RSU1: variants seen among roughly 807,000 people sequenced by gnomAD.
The protein encoded by RSU1 is rsu-1.
In RSU1, 26 loss-of-function variants were observed where a neutral mutation model predicts 31.1. The observed-to-expected ratio is 0.84, with a 90% CI of 0.61 to 1.16. The LOEUF (loss-of-function observed/expected upper bound fraction) is 1.16. Among genes scored for constraint, RSU1 ranks in the 50% most tolerant of loss-of-function variants. The pLI, the probability that RSU1 is intolerant of heterozygous loss-of-function variation, is 0.00. For missense variants in RSU1, 320 were observed against 339.1 expected, an observed-to-expected ratio of 0.94 and a Z score of 0.44; for synonymous variants, 164 against 136.3, an observed-to-expected ratio of 1.20 and a Z score of -1.41.
intron 7 of RSU1, among the ~76,000 whole-genome samples, chr10:16,751,835 A>T (rs1025849375): frequency 6.6e-6 from 1 of 152,218 alleles, no homozygotes; most frequent in Non-Finnish European, 1.5e-5. Context: ...CTGCACAAGA[A>T]AAGATAAGGG....
chr10:16,756,376 G>A (rs1359249988), intron 4 of RSU1, among the ~76,000 whole-genome samples: 1 of 152,074 alleles, frequency 6.6e-6, no homozygotes, highest in East Asian at 1.9e-4. Context: ...TGACCCTTGA[G>A]CAACATGGGT....
At chr10:16,751,853 G>A (rs1251687490) in intron 7 of RSU1, among the ~76,000 whole-genome samples, 2 of 152,180 alleles carry the variant, frequency 1.3e-5, no homozygotes, top group Non-Finnish European at 1.5e-5. Context: ...GGGAACTCGT[G>A]AACCTTTTGC....
At chr10:16,648,291 G>A (rs980521738) in intron 8 of RSU1, among the ~76,000 whole-genome samples, 45 of 152,238 alleles carry the variant, frequency 3.0e-4, no homozygotes, top group African/African-American at 1.0e-3. Context: ...TGAATGAAGT[G>A]TCTTTGAATC....
intron 8 of RSU1, among the ~76,000 whole-genome samples, chr10:16,661,287 C>CGCGTGTGTGT (rs1554764458): frequency 7.5e-6 from 1 of 132,830 alleles, no homozygotes. Context: ...GTAGAGAGTG[C>CGCGTGTGTGT]GTGTGTGTGT....
intron 8 of RSU1, among the ~76,000 whole-genome samples, chr10:16,689,589 T>C (rs1410836100): frequency 6.6e-6 from 1 of 152,220 alleles, no homozygotes; most frequent in Non-Finnish European, 1.5e-5. Flanking sequence ...GCCAAAAGAA[T>C]GTTTCCTTAT....
rs200420685 is a variant in RSU1, at chr10:16,655,080, G to A, written c.731+39943C>T. 1.5e-3 allele frequency among the ~76,000 whole-genome samples: 132 copies of A among 91,032 alleles called. 4 individuals are homozygous for A. The South Asian group carries it at 0.036, about 25-fold the overall frequency. 59.7% of individuals were successfully genotyped at this position (91,032 alleles called of 152,430 possible). A position where few individuals can be genotyped will look rare whatever the true frequency, so the allele number is the denominator to read the frequency against. On this transcript the variant is annotated intron_variant, in intron 8 of 8. Coordinates refer to ENST00000345264, the MANE Select transcript of RSU1 (RefSeq NM_012425.4). ...TAAAAAAAAAAAAAAAAAAAAGAGAGAGAGAGAGAGAGAAATGCATTCTGT... is the reference window on the plus strand; with the variant it reads ...TAAAAAAAAAAAAAAAAAAAAGAGAAAGAGAGAGAGAGAAATGCATTCTGT...
At chr10:16,770,547 T>C (rs924609235) in intron 3 of RSU1, among the ~76,000 whole-genome samples, 1 of 152,190 alleles carries the variant, frequency 6.6e-6, no homozygotes, top group African/African-American at 2.4e-5. Context: ...CCCAACTGTT[T>C]TTGCAGAAGC....
At chr10:16,644,936 G>T in intron 8 of RSU1, among the ~76,000 whole-genome samples, 1 of 152,000 alleles carries the variant, frequency 6.6e-6, no homozygotes, top group East Asian at 1.9e-4. Context: ...TATATTCCTG[G>T]TCTAATTTTA....
At chr10:16,695,798 A>G (rs1488354589) in intron 7 of RSU1, among the ~76,000 whole-genome samples, 1 of 152,250 alleles carries the variant, frequency 6.6e-6, no homozygotes, top group African/African-American at 2.4e-5. Flanking sequence ...ACTTAAGGAA[A>G]TTAACTAATA....
At chr10:16,661,580 T>C (rs1230130384) in intron 8 of RSU1, among the ~76,000 whole-genome samples, 1 of 152,214 alleles carries the variant, frequency 6.6e-6, no homozygotes, top group Non-Finnish European at 1.5e-5. Context: ...AAGATGACTA[T>C]GATGACTACT....
At chr10:16,785,417 T>C (rs866059730) in intron 2 of RSU1, among the ~76,000 whole-genome samples, 20 of 91,124 alleles carry the variant, frequency 2.2e-4, no homozygotes, top group African/African-American at 6.7e-4. Context: ...TATATATATA[T>C]ACATATATAC....
chr10:16,776,919 T>A (rs1001227472), intron 3 of RSU1, among the ~76,000 whole-genome samples: 8 of 152,054 alleles, frequency 5.3e-5, no homozygotes, highest in African/African-American at 1.7e-4. Context: ...ATTTTTATTT[T>A]TTTTTAATTT....
chr10:16,646,452 C>G (rs1834572284), intron 8 of RSU1, among the ~76,000 whole-genome samples: 1 of 152,302 alleles, frequency 6.6e-6, no homozygotes, highest in South Asian at 2.1e-4. Context: ...ACCATCACCT[C>G]CTCTCTGACT....
chr10:16,807,063 C>T (rs1838287493), intron 2 of RSU1, among the ~76,000 whole-genome samples: 1 of 152,196 alleles, frequency 6.6e-6, no homozygotes, highest in South Asian at 2.1e-4. Flanking sequence ...GGGATTACAG[C>T]AGGCATGAGC....
At chr10:16,763,473 C>G (rs1410495224) in intron 4 of RSU1, among the ~76,000 whole-genome samples, 2 of 152,170 alleles carry the variant, frequency 1.3e-5, no homozygotes, top group African/African-American at 4.8e-5. Context: ...GTAACTCACT[C>G]ACTATCACAA....
intron 8 of RSU1, among the ~76,000 whole-genome samples, chr10:16,676,793 T>C (rs1419101797): frequency 6.6e-6 from 1 of 152,176 alleles, no homozygotes; most frequent in Admixed American, 6.5e-5. Context: ...ATATCCACTG[T>C]GGGCTGCAGT....
intron 8 of RSU1, among the ~76,000 whole-genome samples, chr10:16,688,834 C>G (rs771361827): frequency 6.8e-6 from 1 of 148,000 alleles, no homozygotes; most frequent in African/African-American, 2.7e-5. Flanking sequence ...GACCCCCAGT[C>G]TCCACAAAAA....
intron 8 of RSU1, among the ~76,000 whole-genome samples, chr10:16,626,173 T>C (rs1055304776): frequency 6.6e-6 from 1 of 151,984 alleles, no homozygotes; most frequent in African/African-American, 2.4e-5. Context: ...GCCTCCTGAA[T>C]AGCTGGGACT....
At chr10:16,809,017 G>T (rs954765962) in intron 2 of RSU1, among the ~76,000 whole-genome samples, 1 of 152,164 alleles carries the variant, frequency 6.6e-6, no homozygotes, top group Non-Finnish European at 1.5e-5. Flanking sequence ...CTCCAGGACC[G>T]TGGGAAATAA....
Sources: allele counts gnomAD v4.1 joint callset (sites outside exome capture counted in the v4.1 genomes callset), GRCh38; gene constraint gnomAD v4.1.1; transcripts MANE v1.5; gene names NCBI Gene and HGNC (gene_info 2026-07-23, HGNC 2026-07-21).